The following SHANK2 variants were observed in gnomAD, a reference collection of about 807,000 sequenced individuals.
SHANK2 encodes SH3 and multiple ankyrin repeat domains protein 2.
A neutral mutation model predicts 133.7 loss-of-function variants in SHANK2; 43 were observed. That is an observed-to-expected ratio of 0.32 (90% CI 0.25 to 0.41). The LOEUF is 0.41. SHANK2 is among the 10% of genes least tolerant of loss of function. SHANK2 has a pLI of 1.00. For missense variants in SHANK2, 1,994 were observed against 2,235.8 expected (o/e 0.89, Z 2.18); for synonymous variants, 1,017 against 952.8 (o/e 1.07, Z -1.24).
At chr11:71,194,607 G>A (rs544964142) in intron 2 of SHANK2, among the ~76,000 whole-genome samples, 64 of 152,332 alleles carry the variant, frequency 4.2e-4, no homozygotes, top group Admixed American at 2.2e-3. Context: ...AGTGACATGC[G>A]GGTGTGAAGG....
intron 9 of SHANK2, among the ~76,000 whole-genome samples, chr11:71,061,376 G>C (rs1463442058): frequency 6.6e-6 from 1 of 152,218 alleles, no homozygotes; most frequent in Non-Finnish European, 1.5e-5. Flanking sequence ...TGACCACGCT[G>C]GCAGGATGCC....
chr11:71,159,948 C>T (rs1455507007), intron 2 of SHANK2, among the ~76,000 whole-genome samples: 1 of 144,100 alleles, frequency 6.9e-6, no homozygotes, highest in Non-Finnish European at 1.5e-5. Flanking sequence ...GATCGTGCCA[C>T]TGCACTCCAG....
At chr11:70,803,702 A>G (rs1267200910) in intron 13 of SHANK2, among the ~76,000 whole-genome samples, 1 of 152,022 alleles carries the variant, frequency 6.6e-6, no homozygotes, top group Non-Finnish European at 1.5e-5. Context: ...CAGCTTGGAC[A>G]GGAGCCTCTG....
At chr11:70,947,134 C>CAG (rs1200324632) in intron 10 of SHANK2, among the ~76,000 whole-genome samples, 228 of 1,588 alleles carry the variant, frequency 0.14, no homozygotes, top group African/African-American at 0.2. Context: ...ACCTCTCCAA[C>CAG]ACACACACAC....
At chr11:70,542,045 G>A (rs931780123) in intron 17 of SHANK2, among the ~76,000 whole-genome samples, 1 of 152,238 alleles carries the variant, frequency 6.6e-6, no homozygotes, top group East Asian at 1.9e-4. Flanking sequence ...TGAGTGCCCA[G>A]TAGTGCCTGG....
At chr11:71,197,123 G>A (rs1217303884) in intron 2 of SHANK2, among the ~76,000 whole-genome samples, 3 of 151,892 alleles carry the variant, frequency 2.0e-5, no homozygotes, top group African/African-American at 7.3e-5. Flanking sequence ...ATAAATCTCT[G>A]CCCTGGGAGA....
At position 70,821,935 on chromosome 11, in the gene SHANK2, C is replaced by A. The variant is rs539723531; in HGVS notation, c.1175-1253G>T. Among the ~76,000 whole-genome samples the A allele has an allele frequency of 5.3e-5, 8 of 152,318 alleles. No individual in the cohort carries two copies. In the South Asian group the frequency reaches 1.2e-3, roughly 24 times the overall value. The stretch of plus-strand genomic sequence containing the variant: ...AGCTCTAGACAGGGCCAGGCCCTCA[C>A]TCTCCTCACTCAATGAGACCAGGGG... On this transcript the variant is annotated intron_variant, in intron 11 of 25. Coordinates refer to ENST00000601538, the MANE Select transcript of SHANK2 (RefSeq NM_012309.5).
At chr11:70,952,774 T>C (rs1256155498) in intron 10 of SHANK2, 1 of 299,884 alleles carries the variant, frequency 3.3e-6, no homozygotes, top group Non-Finnish European at 7.0e-6. Context: ...GCAGCAGAAG[T>C]GTGGGAACTG....
intron 10 of SHANK2, among the ~76,000 whole-genome samples, chr11:70,944,448 G>A (rs1238004766): frequency 1.3e-5 from 2 of 152,224 alleles, no homozygotes; most frequent in East Asian, 1.9e-4. Flanking sequence ...AGCAGCATAG[G>A]AGGGGCCGAT....
At chr11:71,232,752 T>A (rs920805514) in intron 1 of SHANK2, among the ~76,000 whole-genome samples, 22 of 152,358 alleles carry the variant, frequency 1.4e-4, no homozygotes, top group African/African-American at 2.6e-4. Flanking sequence ...GTTAATGGAC[T>A]GTTTATGTTA....
chr11:70,874,651 G>C (rs1949527128), intron 11 of SHANK2, among the ~76,000 whole-genome samples: 1 of 123,784 alleles, frequency 8.1e-6, no homozygotes, highest in Non-Finnish European at 1.6e-5. Flanking sequence ...TGTAAGCATT[G>C]AAATCTGCAT....
At chr11:70,636,743 TGAGCATGTGTGTG>T (rs1565201789) in intron 17 of SHANK2, among the ~76,000 whole-genome samples, 38 of 24,256 alleles carry the variant, frequency 1.6e-3, no homozygotes, top group Admixed American at 0.012. Flanking sequence ...TGAATATGTG[TGAGCATGTGTGTG>T]AGCATGTGTG....
chr11:70,870,140 G>A (rs1555069901), intron 11 of SHANK2, among the ~76,000 whole-genome samples: 2 of 152,114 alleles, frequency 1.3e-5, no homozygotes, highest in Admixed American at 1.3e-4. Flanking sequence ...AGGGCACTAT[G>A]GAAGAGGTTT....
chr11:70,534,617 G>T (rs2059521070), intron 17 of SHANK2, among the ~76,000 whole-genome samples: 1 of 152,184 alleles, frequency 6.6e-6, no homozygotes, highest in Admixed American at 6.5e-5. Context: ...CTGTGGTCTT[G>T]CCCCTGAGCC....
At chr11:70,504,107 G>A (rs1204141485) in intron 17 of SHANK2, among the ~76,000 whole-genome samples, 1 of 152,162 alleles carries the variant, frequency 6.6e-6, no homozygotes, top group Non-Finnish European at 1.5e-5. Context: ...CGCCACCTTC[G>A]AACAAAGAAA....
intron 21 of SHANK2, among the ~76,000 whole-genome samples, chr11:70,492,867 C>T (rs1555156292): frequency 7.5e-6 from 1 of 133,584 alleles, no homozygotes; most frequent in East Asian, 2.6e-4. Flanking sequence ...GCAATCTTGG[C>T]TCACTGCAAC....
At chr11:70,764,076 A>C (rs558052819) in intron 14 of SHANK2, among the ~76,000 whole-genome samples, 2 of 142,896 alleles carry the variant, frequency 1.4e-5, no homozygotes, top group Non-Finnish European at 3.1e-5. Flanking sequence ...CCATCCATCC[A>C]TCCATCCATC....
At chr11:70,773,520 T>C (rs781883826) in intron 14 of SHANK2, among the ~76,000 whole-genome samples, 1 of 152,208 alleles carries the variant, frequency 6.6e-6, no homozygotes, top group Non-Finnish European at 1.5e-5. Flanking sequence ...GAATATACAT[T>C]TATGCTCAAA....
intron 17 of SHANK2, among the ~76,000 whole-genome samples, chr11:70,549,234 C>T (rs972539217): frequency 6.6e-6 from 1 of 152,160 alleles, no homozygotes; most frequent in South Asian, 2.1e-4. Context: ...CTGCAAGCAC[C>T]GCAGCCCCCA....
Sources: gnomAD v4.1 joint callset for allele counts (sites outside exome capture counted in the v4.1 genomes callset) on GRCh38, gnomAD v4.1.1 for gene constraint, MANE v1.5 for transcripts, NCBI Gene and HGNC (gene_info 2026-07-23, HGNC 2026-07-21) for gene names.